The following GRIK2 variants were observed in gnomAD, a reference collection of about 807,000 sequenced individuals.
GRIK2 encodes glutamate ionotropic receptor kainate type subunit 2.
GRIK2 carries 32 observed loss-of-function variants against 100.3 expected under a neutral mutation model. That is an observed-to-expected ratio of 0.32 (90% CI 0.24 to 0.43). The LOEUF (loss-of-function observed/expected upper bound fraction) is 0.43, where lower values mean the gene tolerates loss of function less well. GRIK2 is among the 20% of genes least tolerant of loss of function. The probability of loss-of-function intolerance (pLI) is 1.00; values close to 1 mark genes in which losing one functional copy is unlikely to be tolerated. For synonymous variants in GRIK2, 417 were observed against 389.4 expected (o/e 1.07, Z -0.83); for missense variants, 843 against 1,114.9 (o/e 0.76, Z 3.47).
chr6:101,771,268 G>C (rs540065527), intron 7 of GRIK2, among the ~76,000 whole-genome samples: 1 of 151,206 alleles, frequency 6.6e-6, no homozygotes, highest in African/African-American at 2.4e-5. Flanking sequence ...TCAGTGCAAC[G>C]GGTTGTATAA....
rs903246757 is a variant in GRIK2 at position 101,490,460 on chromosome 6, T to C, written c.115+91068T>C. Among the ~76,000 whole-genome samples, 14 of 146,488 alleles carry C rather than the reference T, an allele frequency of 9.6e-5. 1 individual carries two copies. The highest frequency in any genetic ancestry group is 4.1e-4 in the Admixed American group (6 of 14,636). On this transcript the variant is annotated intron_variant, in intron 2 of 16. Coordinates refer to ENST00000369134, the MANE Select transcript of GRIK2 (RefSeq NM_021956.5). Reference sequence around the variant, plus strand: ...CCCATGAAGGGGTATAGTGCAGGCATGAATTGCCACAGGTGTTCAAAGGAG... The same window carrying C: ...CCCATGAAGGGGTATAGTGCAGGCACGAATTGCCACAGGTGTTCAAAGGAG...
chr6:102,007,970 C>T (rs1294644835), intron 14 of GRIK2, among the ~76,000 whole-genome samples: 1 of 151,602 alleles, frequency 6.6e-6, no homozygotes, highest in East Asian at 1.9e-4. Context: ...ATGGTCTTAC[C>T]AAGGTGAAGT....
intron 12 of GRIK2, among the ~76,000 whole-genome samples, chr6:101,923,091 A>C (rs752357039): frequency 3.9e-5 from 6 of 152,302 alleles, no homozygotes; most frequent in Non-Finnish European, 7.4e-5. Context: ...AGGATAGGCT[A>C]TTAAAACAAG....
chr6:101,908,402 A>T (rs938020104), intron 12 of GRIK2, among the ~76,000 whole-genome samples: 2 of 17,558 alleles, frequency 1.1e-4, no homozygotes, highest in African/African-American at 5.3e-4. Context: ...CTTAGATAAT[A>T]TATGAATGTT....
intron 8 of GRIK2, among the ~76,000 whole-genome samples, chr6:101,800,939 A>G (rs1221439975): frequency 6.6e-6 from 1 of 152,098 alleles, no homozygotes. Flanking sequence ...TGTCCACTAA[A>G]TCACACAGTG....
intron 2 of GRIK2, among the ~76,000 whole-genome samples, chr6:101,587,684 C>A (rs1778445779): frequency 6.6e-6 from 1 of 152,018 alleles, no homozygotes; most frequent in South Asian, 2.1e-4. Flanking sequence ...TATTAGAAAG[C>A]AACATTGGAG....
chr6:101,413,626 A>G (rs535941694), intron 2 of GRIK2, among the ~76,000 whole-genome samples: 1 of 152,136 alleles, frequency 6.6e-6, no homozygotes, highest in Non-Finnish European at 1.5e-5. Flanking sequence ...TTTGTTCTGA[A>G]TGGCATCAAG....
chr6:101,836,968 G>A (rs1783167573), intron 10 of GRIK2, among the ~76,000 whole-genome samples: 2 of 151,904 alleles, frequency 1.3e-5, no homozygotes, highest in South Asian at 4.2e-4. Context: ...CTGGCCTGTT[G>A]CATTATATTT....
chr6:101,870,282 A>G (rs1011294843), intron 11 of GRIK2, among the ~76,000 whole-genome samples: 1 of 151,864 alleles, frequency 6.6e-6, no homozygotes, highest in African/African-American at 2.4e-5. Flanking sequence ...GGCAGTAACT[A>G]TATCTCTAGG....
intron 11 of GRIK2, among the ~76,000 whole-genome samples, chr6:101,879,478 T>C (rs1786094391): frequency 6.6e-6 from 1 of 151,972 alleles, no homozygotes. Flanking sequence ...TTCATAGTTT[T>C]ATTTGAATTC....
intron 7 of GRIK2, among the ~76,000 whole-genome samples, chr6:101,707,523 A>AAT (rs890478138): frequency 1.5e-5 from 2 of 136,028 alleles, no homozygotes; most frequent in African/African-American, 6.0e-5. Flanking sequence ...GAATTGTGAA[A>AAT]ATATATATGT....
chr6:101,567,593 T>G (rs1425540707), intron 2 of GRIK2, among the ~76,000 whole-genome samples: 3 of 152,012 alleles, frequency 2.0e-5, no homozygotes, highest in African/African-American at 7.2e-5. Flanking sequence ...TCAAGAATCA[T>G]TCTAAGTCCA....
intron 7 of GRIK2, among the ~76,000 whole-genome samples, chr6:101,758,007 T>A (rs1299295385): frequency 6.6e-6 from 1 of 152,134 alleles, no homozygotes; most frequent in Non-Finnish European, 1.5e-5. Flanking sequence ...GCAGGAAGAT[T>A]GCTTGAGTCC....
chr6:101,658,004 C>G (rs890592872), intron 4 of GRIK2, among the ~76,000 whole-genome samples: 1 of 151,962 alleles, frequency 6.6e-6, no homozygotes, highest in Non-Finnish European at 1.5e-5. Context: ...CCTAGTTTAC[C>G]AACCCATCCT....
At chr6:101,434,542 A>G (rs997007781) in intron 2 of GRIK2, among the ~76,000 whole-genome samples, 30 of 152,100 alleles carry the variant, frequency 2.0e-4, no homozygotes, top group Admixed American at 7.9e-4. Flanking sequence ...ACATTTTTCC[A>G]TCAGAGGAGT....
At chr6:101,861,307 A>G (rs1051981326) in intron 11 of GRIK2, among the ~76,000 whole-genome samples, 1 of 152,166 alleles carries the variant, frequency 6.6e-6, no homozygotes, top group South Asian at 2.1e-4. Flanking sequence ...GTTTGTGTTG[A>G]GGGCTAAAAC....
At chr6:102,043,703 G>C (rs1337613451) in intron 15 of GRIK2, among the ~76,000 whole-genome samples, 1 of 151,922 alleles carries the variant, frequency 6.6e-6, no homozygotes, top group Non-Finnish European at 1.5e-5. Context: ...ATTGTGAAAA[G>C]TGCTGCAATG....
intron 2 of GRIK2, among the ~76,000 whole-genome samples, chr6:101,581,717 A>G: frequency 6.6e-6 from 1 of 152,196 alleles, no homozygotes; most frequent in East Asian, 1.9e-4. Context: ...GATGAAACAC[A>G]CAAATATCTG....
chr6:101,434,197 G>C (rs749952334), intron 2 of GRIK2, among the ~76,000 whole-genome samples: 3 of 152,174 alleles, frequency 2.0e-5, no homozygotes, highest in Non-Finnish European at 4.4e-5. Flanking sequence ...AGTTCTAGAG[G>C]CCTTCAGCCC....
Sources: allele counts gnomAD v4.1 joint callset (sites outside exome capture counted in the v4.1 genomes callset), GRCh38; gene constraint gnomAD v4.1.1; transcripts MANE v1.5; gene names NCBI Gene and HGNC (gene_info 2026-07-23, HGNC 2026-07-21).